The following GPATCH2L variants were observed in gnomAD, a reference collection of about 807,000 sequenced individuals.
GPATCH2L encodes the protein G patch domain-containing protein 2-like.
Under a neutral mutation model 57.4 loss-of-function variants are expected in GPATCH2L, and 31 were observed. The observed-to-expected ratio is 0.54, with a 90% CI of 0.41 to 0.73. GPATCH2L has a LOEUF of 0.73. Among genes scored for constraint, GPATCH2L ranks in the 30% least tolerant of loss-of-function variants. GPATCH2L has a pLI of 0.00. For missense variants in GPATCH2L, 481 were observed against 599.9 expected (o/e 0.80, Z 2.07); for synonymous variants, 199 against 210.7 (o/e 0.94, Z 0.48).
chr14:76,193,392 TAGTTCAGCTCA>T (rs2040045317), intron 8 of GPATCH2L, among the ~76,000 whole-genome samples: 1 of 152,108 alleles, frequency 6.6e-6, no homozygotes. Flanking sequence ...AGTATTTGTG[TAGTTCAGCTCA>T]AGTTGATACT....
At chr14:76,181,146 G>T (rs1207788507) in intron 8 of GPATCH2L, among the ~76,000 whole-genome samples, 1 of 152,100 alleles carries the variant, frequency 6.6e-6, no homozygotes, top group Non-Finnish European at 1.5e-5. Context: ...AATGTTCCTT[G>T]CCATGAGCCT....
chr14:76,181,946 A>G (rs551226283), intron 8 of GPATCH2L, among the ~76,000 whole-genome samples: 2 of 152,342 alleles, frequency 1.3e-5, no homozygotes, highest in South Asian at 2.1e-4. Flanking sequence ...AACTTCTACT[A>G]TGGGCTATAA....
chr14:76,195,968 T>C lies in GPATCH2L; in HGVS notation c.1284T>C (p.Ser428=). ...CCACAGCATCTTTGTCTAGCCCCAG[T>C]GCAGGTGATTACATGCAGTTATCAT... ...PVATASLSSP[S]AVHMDAVEPT... The change falls in exon 9 of 10, where the codon AGT becomes AGC. Residue 428 remains serine (S), a synonymous_variant. Coordinates refer to ENST00000261530, the MANE Select transcript of GPATCH2L (RefSeq NM_017926.4). 6.2e-7 allele frequency: 1 copy of C among 1,608,788 alleles called. No individual in the cohort carries two copies. Among genetic ancestry groups the C allele is most frequent in the Non-Finnish European group, 8.5e-7 (1 of 1,175,164 alleles).
intron 1 of GPATCH2L, among the ~76,000 whole-genome samples, chr14:76,222,954 C>CA (rs36032954): frequency 0.039 from 4,430 of 113,302 alleles, 153 homozygotes; most frequent in African/African-American, 0.15. Flanking sequence ...AGACTGTGTT[C>CA]AAAAAAAAAA....
In GPATCH2L at chr14:76,213,918, T is replaced by C. The variant is rs531626228; in HGVS notation, c.*12067T>C. On this transcript the variant is annotated 3_prime_UTR_variant, in exon 10 of 10. Coordinates refer to ENST00000261530, the MANE Select transcript of GPATCH2L (RefSeq NM_017926.4). ...TTCGGTATTCAATCCAGGATCCATA[T>C]GTACTTGGGTCTTTCTGGGTTTTCT... The C allele has an allele frequency of 9.2e-5, 14 of 152,304 alleles. No homozygotes were observed. The highest frequency in any genetic ancestry group is 3.4e-4 in the African/African-American group (14 of 41,566). The allele number at this position is 152,304 out of a possible 1,614,324, so 9.4% of individuals were successfully genotyped here. A position where few individuals can be genotyped will look rare whatever the true frequency, so the allele number is the denominator to read the frequency against.
rs1321363789 is a variant in GPATCH2L, at chr14:76,154,988, G to A, written c.625G>A (p.Glu209Lys). The change falls in exon 2 of 10, where the codon GAA becomes AAA. Residue 209 changes from glutamate (E) to lysine (K), a missense_variant. By Grantham distance (56) the Glu-to-Lys change is moderately conservative. Around this residue, in one of 3 missense-constraint regions of GPATCH2L, gnomAD observed 208 missense variants for 272.4 expected, o/e 0.76. Transcript: ENST00000261530. This position sits in a 1 kb window ranked among gnomAD's most constrained non-coding sequence, Gnocchi z 4.4. The part of the protein sequence containing the change: ...RKERMECETD[E>K]QKQGSDENMS... Reference sequence around the variant, plus strand: ...AGAAAGGATGGAGTGTGAAACAGATGAACAAAAACAGGGCTCTGATGAGAA... The same window carrying A: ...AGAAAGGATGGAGTGTGAAACAGATAAACAAAAACAGGGCTCTGATGAGAA... 3 of 1,613,240 alleles carry A rather than the reference G, an allele frequency of 1.9e-6. No individual in the cohort carries two copies.
intron 8 of GPATCH2L, among the ~76,000 whole-genome samples, chr14:76,181,655 A>G (rs1460446159): frequency 1.3e-5 from 2 of 152,226 alleles, no homozygotes; most frequent in African/African-American, 4.8e-5. Flanking sequence ...AGGCATTAAC[A>G]TATATTAGTC....
chr14:76,180,888 A>G, intron 8 of GPATCH2L, 39 bp downstream of exon 8: 1 of 1,207,618 alleles, frequency 8.3e-7, no homozygotes, highest in Non-Finnish European at 1.2e-6. Flanking sequence ...CTTCTGGACA[A>G]TACTATATTC....
rs2040355351 is a variant in GPATCH2L, at chr14:76,204,665, C to T, written c.*2814C>T. 1 of 152,178 alleles carries T rather than the reference C, an allele frequency of 6.6e-6. No homozygotes were observed. Among genetic ancestry groups the T allele is most frequent in the Non-Finnish European group, 1.5e-5 (1 of 68,048 alleles). The allele number at this position is 152,178 out of a possible 1,614,324, so 9.4% of individuals were successfully genotyped here. Reference sequence around the variant, plus strand: ...GTGTTGAAAAAACTCTGAACTATGACTTACTTTGAGGATGATCCTTGAGCT... The same window carrying T: ...GTGTTGAAAAAACTCTGAACTATGATTTACTTTGAGGATGATCCTTGAGCT... On this transcript the variant is annotated 3_prime_UTR_variant, in exon 10 of 10. Coordinates refer to ENST00000261530, the MANE Select transcript of GPATCH2L (RefSeq NM_017926.4).
At chr14:76,181,356 C>T (rs1415626693) in intron 8 of GPATCH2L, among the ~76,000 whole-genome samples, 1 of 152,198 alleles carries the variant, frequency 6.6e-6, no homozygotes, top group Non-Finnish European at 1.5e-5. Flanking sequence ...CTGCTTGTCT[C>T]AGCTCAGGTG....
intron 3 of GPATCH2L, among the ~76,000 whole-genome samples, chr14:76,168,429 A>T (rs958531205): frequency 1.3e-5 from 2 of 152,198 alleles, no homozygotes; most frequent in Non-Finnish European, 2.9e-5. Flanking sequence ...GGCTTCTCAC[A>T]GTTTACCATA....
chr14:76,218,056 C>G (rs1057204799), downstream of GPATCH2L, among the ~76,000 whole-genome samples: 6 of 152,110 alleles, frequency 3.9e-5, no homozygotes, highest in Admixed American at 2.0e-4. Context: ...TTAGGAATAG[C>G]TGGGTGTTTC....
At chr14:76,178,361 A>G (rs1397871377) in intron 7 of GPATCH2L, 2 of 798,382 alleles carry the variant, frequency 2.5e-6, no homozygotes, top group Non-Finnish European at 3.5e-6. Context: ...AAAGCCTTAG[A>G]GCAGTGGTCC....
At chr14:76,182,670 G>A (rs1188923955) in intron 8 of GPATCH2L, among the ~76,000 whole-genome samples, 2 of 151,864 alleles carry the variant, frequency 1.3e-5, no homozygotes, top group East Asian at 1.9e-4. Flanking sequence ...TCCTTCAGTA[G>A]CATGATGTTT....
downstream of GPATCH2L, among the ~76,000 whole-genome samples, chr14:76,217,356 G>A (rs2139857962): frequency 6.6e-6 from 1 of 152,158 alleles, no homozygotes; most frequent in South Asian, 2.1e-4. Context: ...TTGTAACCTG[G>A]GTTAGCTATT....
intron 8 of GPATCH2L, among the ~76,000 whole-genome samples, chr14:76,185,482 A>G (rs2039731526): frequency 1.3e-5 from 2 of 152,206 alleles, no homozygotes; most frequent in South Asian, 2.1e-4. Flanking sequence ...GGATTTATCA[A>G]TTGCTACATA....
At position 76,198,120 on chromosome 14, in the gene GPATCH2L, C is replaced by A. The variant is rs188226411; in HGVS notation, c.1288+2148C>A. Among the ~76,000 whole-genome samples, 432 of 152,140 alleles carry A rather than the reference C, an allele frequency of 2.8e-3. 1 individual carries two copies. Among genetic ancestry groups the A allele is most frequent in the African/African-American group, 9.9e-3 (412 of 41,498 alleles). ...AAATGACCATAGGTTGTTAAATAGA[C>A]CCATCTTGAAAGTGTAGCACCTTTA... On this transcript the variant is annotated intron_variant, in intron 9 of 9. Coordinates refer to ENST00000261530, the MANE Select transcript of GPATCH2L (RefSeq NM_017926.4).
intron 7 of GPATCH2L, chr14:76,179,195 G>T (rs1242719737): frequency 6.6e-6 from 1 of 152,012 alleles, no homozygotes; most frequent in East Asian, 1.9e-4. Flanking sequence ...TGGTGTATAT[G>T]TATGAGATGA....
intron 4 of GPATCH2L, 99 bp downstream of exon 4, chr14:76,172,118 T>A: frequency 1.4e-6 from 1 of 725,506 alleles, no homozygotes; most frequent in Non-Finnish European, 2.2e-6. Context: ...AATCACACAT[T>A]AACTATCTGA....
Sources: gnomAD v4.1 joint callset for allele counts (sites outside exome capture counted in the v4.1 genomes callset) on GRCh38, gnomAD v4.1.1 for gene constraint, gnomAD v4.1.1 regional missense constraint, Gnocchi (gnomAD v3.1) non-coding constraint, MANE v1.5 for transcripts, NCBI Gene and HGNC (gene_info 2026-07-23, HGNC 2026-07-21) for gene names.